ULBP3: variants seen among roughly 807,000 people sequenced by gnomAD.
The protein encoded by ULBP3 is UL16 binding protein 3, also known as UL16-binding protein 3.
Under a neutral mutation model 24.9 loss-of-function variants are expected in ULBP3, and 25 were observed. The observed-to-expected ratio is 1.00, with a 90% confidence interval of 0.73 to 1.40. The LOEUF is 1.40. Ranked by LOEUF, ULBP3 falls within the 40% of genes most tolerant of loss-of-function variation. ULBP3 has a pLI of 0.00. For missense variants in ULBP3, 306 were observed against 307.5 expected, an observed-to-expected ratio of 1.00 and a Z score of 0.04; for synonymous variants, 114 against 114.7, an observed-to-expected ratio of 0.99 and a Z score of 0.04.
intron 3 of ULBP3, among the ~76,000 whole-genome samples, 158 bp downstream of exon 3, chr6:150,065,240 T>C (rs1776327788): frequency 6.6e-6 from 1 of 151,934 alleles, no homozygotes; most frequent in Admixed American, 6.6e-5. Flanking sequence ...GGGGTTCATG[T>C]TCTTACACTC....
chr6:150,064,486 C>A lies in ULBP3; in HGVS notation c.*22+99G>T, dbSNP rs949529860. On this transcript the variant is annotated intron_variant, in intron 4 of 4. Coordinates refer to ENST00000367339, the MANE Select transcript of ULBP3 (RefSeq NM_024518.3). ...TGTCTCATGTCAGAACGAGAAGGTC[C>A]CGGCCATGGGGAGAGGTGGGACTCT... is the stretch of plus-strand genomic sequence containing the variant. 24 of 1,104,992 alleles carry A rather than the reference C, an allele frequency of 2.2e-5. No individual in the cohort carries two copies. The African/African-American group carries it at 3.4e-4, about 16-fold the overall frequency. 68.4% of individuals were successfully genotyped at this position (1,104,992 alleles called of 1,614,324 possible).
At chr6:150,066,816 C>T (rs1027509046) in intron 1 of ULBP3, among the ~76,000 whole-genome samples, 7 of 152,064 alleles carry the variant, frequency 4.6e-5, no homozygotes, top group African/African-American at 1.7e-4. Context: ...ATAAAGAAGG[C>T]CCCAGGAGAA....
rs1776319354 is a variant in ULBP3, at chr6:150,064,622, G to A, written c.720C>T (p.Ile240=). The part of the protein sequence containing the change: ...PWSFLIILCF[I]LPGI The stretch of plus-strand genomic sequence containing the variant: ...ATGACTCTTCTCAGATGCCAGGGAG[G>A]ATGAAGCAGAGGATGATGAGGAAGC... The change falls in exon 4 of 5, where the codon ATC becomes ATT. Residue 240 remains isoleucine (I), a synonymous_variant. Transcript: ENST00000367339. 2 of 1,613,986 alleles carry A rather than the reference G, an allele frequency of 1.2e-6. No individual in the cohort carries two copies. Among genetic ancestry groups the A allele is most frequent in the African/African-American group, 2.7e-5 (2 of 74,906 alleles).
rs1026557343 is a variant in ULBP3 at position 150,065,305 on chromosome 6, A to G, written c.628+93T>C. 9.3e-5 allele frequency: 144 copies of G among 1,546,026 alleles called. 2 individuals are homozygous for G. The highest frequency in any genetic ancestry group is 1.4e-5 in the African/African-American group (1 of 73,608). ...CATAGACTCACACCCACTCACACCC[A>G]TACACCCACACCCACCATACTCAGA... is the stretch of plus-strand genomic sequence containing the variant. On this transcript the variant is annotated intron_variant, in intron 3 of 4. Coordinates refer to ENST00000367339, the MANE Select transcript of ULBP3 (RefSeq NM_024518.3).
intron 4 of ULBP3, 114 bp downstream of exon 4, chr6:150,064,471 C>T: frequency 6.4e-6 from 6 of 943,058 alleles, no homozygotes; most frequent in Non-Finnish European, 1.0e-5. Context: ...TGTCTCATGT[C>T]AGAACGAGAA....
chr6:150,065,505 T>A lies in ULBP3; in HGVS notation c.521A>T (p.Glu174Val). The part of the protein sequence containing the change: ...AGARRMKEKW[E>V]KDSGLTTFFK... ...GAAGGTGGTCAGTCCGCTATCCTTC[T>A]CCCACTTCTCTTTCATCCGCCTGGC... The change falls in exon 3 of 5, where the codon GAG (glutamate) becomes GTG (valine). Residue 174 changes from glutamate (E) to valine (V), a missense_variant. Coordinates refer to ENST00000367339, the MANE Select transcript of ULBP3 (RefSeq NM_024518.3). 1 of 1,614,172 alleles carries A rather than the reference T, an allele frequency of 6.2e-7. No individual in the cohort carries two copies.
At chr6:150,065,827 C>T (rs1776337778) in intron 2 of ULBP3, 72 bp downstream of exon 2, 2 of 1,588,866 alleles carry the variant, frequency 1.3e-6, no homozygotes, top group African/African-American at 2.7e-5. Flanking sequence ...TGTCTAATTT[C>T]TTCTCCCCAC....
intron 1 of ULBP3, among the ~76,000 whole-genome samples, chr6:150,068,621 T>C (rs1438391822): frequency 6.6e-6 from 1 of 152,224 alleles, no homozygotes; most frequent in Non-Finnish European, 1.5e-5. Context: ...GCGTCACCCA[T>C]GTCTTGACCC....
chr6:150,066,167 G>GT lies in ULBP3; in HGVS notation c.89-6_89-5insA. 1 of 1,607,206 alleles carries GT rather than the reference G, an allele frequency of 6.2e-7. No homozygotes were observed. Among genetic ancestry groups the GT allele is most frequent in the Non-Finnish European group, 8.5e-7 (1 of 1,178,146 alleles). ...TATACCAGAGAGAGTGAGCGTCTAA[G>GT]GAAAAAAAAAAAAAACACCAGAGAG... On this transcript the variant is annotated splice_polypyrimidine_tract_variant and splice_region_variant and intron_variant, in intron 1 of 4. Transcript: ENST00000367339.
rs746935840 is a variant in ULBP3 at position 150,065,644 on chromosome 6, A to G, written c.382T>C (p.Cys128Arg). The G allele has an allele frequency of 3.7e-6, 6 of 1,614,198 alleles. No homozygotes were observed. Among genetic ancestry groups the G allele is most frequent in the East Asian group, 4.5e-5 (2 of 44,880 alleles). ...GPLTLQVRMS[C>R]ECEADGYIRG... ...ATGTATCCATCGGCTTCACACTCAC[A>G]AGACATCCTGACCTGCAGCGTGAGG... The change falls in exon 3 of 5, where the codon TGT (cysteine) becomes CGT (arginine). Residue 128 changes from cysteine to arginine, a missense_variant. By Grantham distance (180) the Cys-to-Arg change is radical. Transcript: ENST00000367339.
intron 1 of ULBP3, among the ~76,000 whole-genome samples, chr6:150,067,479 T>C (rs534973230): frequency 2.0e-5 from 3 of 152,320 alleles, no homozygotes; most frequent in East Asian, 1.9e-4. Context: ...TGAGGTGCAT[T>C]TGGGGCAAAG....
chr6:150,064,824 C>T lies in ULBP3; in HGVS notation c.629-111G>A, dbSNP rs981267511. 1.8e-5 allele frequency: 21 copies of T among 1,196,398 alleles called. No homozygotes were observed. In the Admixed American group the frequency reaches 4.2e-4, roughly 24 times the overall value. 74.1% of individuals were successfully genotyped at this position (1,196,398 alleles called of 1,614,324 possible). A position where few individuals can be genotyped will look rare whatever the true frequency, so the allele number is the denominator to read the frequency against. The stretch of plus-strand genomic sequence containing the variant: ...TCCGGGAAGGCAGAGGATTTGTCTC[C>T]CCTGCTGTGGGGCAGCCGCTGTGAC... On this transcript the variant is annotated intron_variant, in intron 3 of 4. Transcript: ENST00000367339.
intron 1 of ULBP3, among the ~76,000 whole-genome samples, chr6:150,066,723 G>A (rs184938683): frequency 8.5e-5 from 13 of 152,288 alleles, no homozygotes; most frequent in Admixed American, 5.9e-4. Flanking sequence ...GCCCATGCCA[G>A]AGTGACTGCA....
At position 150,061,387 on chromosome 6, in the gene ULBP3, C is replaced by T. The variant is rs1218087777; in HGVS notation, c.*1987G>A. Among the ~76,000 whole-genome samples the T allele has an allele frequency of 6.6e-6, 1 of 152,170 alleles. No homozygotes were observed. Among genetic ancestry groups the T allele is most frequent in the Non-Finnish European group, 1.5e-5 (1 of 68,050 alleles). The stretch of plus-strand genomic sequence containing the variant: ...TCACTCAAACAGTAAGCATGGTACC[C>T]AACAGGTGGTTTTTCAGCCCAGGTG... On this transcript the variant is annotated 3_prime_UTR_variant, in exon 5 of 5. Transcript: ENST00000367339.
rs1460645002 is a variant in ULBP3, at chr6:150,061,202, G to T, written c.*2172C>A. ...AGCGTTCATAGTGCAAAGTTCTCTCGTTCCACTCAGTTAACCCCATTTTTT... is the reference window on the plus strand; with the variant it reads ...AGCGTTCATAGTGCAAAGTTCTCTCTTTCCACTCAGTTAACCCCATTTTTT... On this transcript the variant is annotated 3_prime_UTR_variant, in exon 5 of 5. Transcript: ENST00000367339. Among the ~76,000 whole-genome samples, 1 of 152,176 alleles carries T rather than the reference G, an allele frequency of 6.6e-6. No homozygotes were observed. Among genetic ancestry groups the T allele is most frequent in the Middle Eastern group, 3.4e-3 (1 of 294 alleles).
In ULBP3 at chr6:150,061,899, C is replaced by G. The variant is rs7769252; in HGVS notation, c.*1475G>C. 0.25 allele frequency among the ~76,000 whole-genome samples: 37,920 copies of G among 152,112 alleles called. 4,808 individuals are homozygous for G. Among genetic ancestry groups the G allele is most frequent in the Non-Finnish European group, 0.28 (18,737 of 67,982 alleles). On this transcript the variant is annotated 3_prime_UTR_variant, in exon 5 of 5. Transcript: ENST00000367339. ...AGTGTCTGTTTCTTTTCCTCTGCAG[C>G]CTCACCACCATCTCCAACTTTGTGA...
chr6:150,067,744 A>G (rs1162619836), intron 1 of ULBP3, among the ~76,000 whole-genome samples: 1 of 152,110 alleles, frequency 6.6e-6, no homozygotes, highest in African/African-American at 2.4e-5. Context: ...CAGCTATTTG[A>G]CCCTGGACTC....
Position 150,066,001 on chromosome 6 carries a change from C to T in ULBP3, c.250G>A (p.Ala84Thr), listed in dbSNP as rs1459741432. 5 of 1,614,220 alleles carry T rather than the reference C, an allele frequency of 3.1e-6. No homozygotes were observed. In the South Asian group the frequency reaches 4.4e-5, roughly 14 times the overall value. ...AGTTGTTTTCCCCAGGCATCTGTGG[C>T]ATACAGCTGCTCTTCTAGGTGACCC... ...SMGHLEEQLY[A>T]TDAWGKQLEM... Residue 84 changes from alanine (A) to threonine (T), a missense_variant, in exon 2 of 5, where the codon GCC (alanine) becomes ACC (threonine). Ala to Thr is a moderately conservative substitution (Grantham distance 58, BLOSUM62 0). Transcript: ENST00000367339.
chr6:150,064,469 G>A (rs1464475737), intron 4 of ULBP3, 116 bp downstream of exon 4: 4 of 922,068 alleles, frequency 4.3e-6, no homozygotes, highest in Non-Finnish European at 6.9e-6. Context: ...CCTGTCTCAT[G>A]TCAGAACGAG....
Sources: gnomAD v4.1 joint callset for allele counts (sites outside exome capture counted in the v4.1 genomes callset) on GRCh38, gnomAD v4.1.1 for gene constraint, MANE v1.5 for transcripts, NCBI Gene and HGNC (gene_info 2026-07-23, HGNC 2026-07-21) for gene names.